Variants in SASH1 observed in about 807,000 individuals in gnomAD.
SASH1 encodes the protein SAM and SH3 domain-containing protein 1.
SASH1 carries 44 observed loss-of-function variants against 125.2 expected under a neutral mutation model. The observed-to-expected ratio is 0.35, with a 90% confidence interval of 0.28 to 0.45. SASH1 has a LOEUF of 0.45. Ranked by LOEUF, SASH1 falls within the 20% of genes least tolerant of loss-of-function variation. The probability of loss-of-function intolerance (pLI) is 1.00; values close to 1 mark genes in which losing one functional copy is unlikely to be tolerated. For missense variants in SASH1, 1,426 were observed against 1,614.5 expected (o/e 0.88, Z 2.00); for synonymous variants, 639 against 649.1 (o/e 0.98, Z 0.24).
At chr6:148,471,626 T>TC (rs1778123874) in intron 6 of SASH1, 123 bp downstream of exon 6, 1 of 640,088 alleles carries the variant, frequency 1.6e-6, no homozygotes, top group Non-Finnish European at 2.8e-6. Context: ...CATAAGATGT[T>TC]CAACTTTTCT....
the SASH1 span, among the ~76,000 whole-genome samples, chr6:148,232,000 G>A: frequency 1.1e-4 from 17 of 151,454 alleles, no homozygotes; most frequent in Non-Finnish European, 2.5e-4. Context: ...TAAGGAAAAA[G>A]GCTAGCAACT....
At chr6:148,289,121 C>G (rs1779558914) in intron 1 of SASH1, among the ~76,000 whole-genome samples, 1 of 152,166 alleles carries the variant, frequency 6.6e-6, no homozygotes, top group Non-Finnish European at 1.5e-5. Context: ...GCTGGAACCC[C>G]TTTTTCTTTT....
chr6:148,249,169 T>TTGTCTAACAA, the SASH1 span, among the ~76,000 whole-genome samples: 1 of 152,246 alleles, frequency 6.6e-6, no homozygotes, highest in Non-Finnish European at 1.5e-5. Flanking sequence ...TAAATTTACA[T>TTGTCTAACAA]TTTTTACTTA....
intron 7 of SASH1, among the ~76,000 whole-genome samples, chr6:148,476,630 A>G (rs1778363241): frequency 6.6e-6 from 1 of 152,202 alleles, no homozygotes; most frequent in African/African-American, 2.4e-5. Flanking sequence ...CAGTAAGCCA[A>G]GATCATGCCG....
At chr6:148,387,725 ATTCTTTCTTTTCTT>A in intron 1 of SASH1, among the ~76,000 whole-genome samples, 1 of 105,662 alleles carries the variant, frequency 9.5e-6, no homozygotes, top group East Asian at 2.7e-4. Flanking sequence ...TTTTCTTTCC[ATTCTTTCTTTTCTT>A]TTCTTTCTTT....
At chr6:148,417,450 T>G (rs1784870181) in intron 2 of SASH1, among the ~76,000 whole-genome samples, 1 of 152,144 alleles carries the variant, frequency 6.6e-6, no homozygotes, top group Non-Finnish European at 1.5e-5. Context: ...CTGGGTGTGG[T>G]GGCATGCACC....
chr6:148,360,100 T>A (rs1259819059), intron 1 of SASH1, among the ~76,000 whole-genome samples: 1 of 152,118 alleles, frequency 6.6e-6, no homozygotes, highest in Non-Finnish European at 1.5e-5. Context: ...AACCAGAAAT[T>A]TGGTTGTCAC....
intron 11 of SASH1, 128 bp downstream of exon 11, chr6:148,525,493 G>GAAAAAAAAAA: frequency 1.2e-5 from 9 of 769,006 alleles, no homozygotes; most frequent in Admixed American, 8.3e-5. Context: ...GTCACGTTTG[G>GAAAAAAAAAA]AAAAAAGCTC....
chr6:148,525,118 T>G, intron 10 of SASH1, 173 bp from the exon 11 acceptor site: 1 of 594,654 alleles, frequency 1.7e-6, no homozygotes, highest in South Asian at 2.0e-5. Context: ...GAGTGAAGTT[T>G]CCTTACGACA....
chr6:148,516,490 G>GCCCC (rs1780445168), intron 9 of SASH1, among the ~76,000 whole-genome samples: 17 of 114,266 alleles, frequency 1.5e-4, no homozygotes, highest in African/African-American at 2.1e-4. Flanking sequence ...GCCAGTAGGC[G>GCCCC]CCCCCTCCCC....
intron 2 of SASH1, among the ~76,000 whole-genome samples, chr6:148,415,562 A>C (rs910985589): frequency 6.6e-6 from 1 of 152,234 alleles, no homozygotes; most frequent in African/African-American, 2.4e-5. Context: ...AGGTTTGACT[A>C]AGTAACTTGG....
At chr6:148,441,669 A>G (rs1562412756) in intron 4 of SASH1, among the ~76,000 whole-genome samples, 2 of 152,126 alleles carry the variant, frequency 1.3e-5, no homozygotes, top group Admixed American at 6.5e-5. Context: ...TCAGGCTGAG[A>G]GCTCAGGTGT....
chr6:148,253,552 TC>T, the SASH1 span, among the ~76,000 whole-genome samples: 1 of 152,154 alleles, frequency 6.6e-6, no homozygotes, highest in Non-Finnish European at 1.5e-5. Flanking sequence ...TGATTTCACT[TC>T]ATCAAAACTA....
intron 1 of SASH1, among the ~76,000 whole-genome samples, chr6:148,354,431 T>A (rs1026753398): frequency 3.3e-5 from 5 of 152,204 alleles, no homozygotes; most frequent in Admixed American, 6.5e-5. Flanking sequence ...AGTGATGGAT[T>A]CATGAATGTA....
chr6:148,502,177 C>T (rs1779585226), intron 8 of SASH1, among the ~76,000 whole-genome samples: 1 of 152,186 alleles, frequency 6.6e-6, no homozygotes, highest in South Asian at 2.1e-4. Flanking sequence ...TTGAAACTGC[C>T]AGAGAGATTA....
At chr6:148,441,405 C>T (rs1411472171) in intron 4 of SASH1, among the ~76,000 whole-genome samples, 2 of 152,142 alleles carry the variant, frequency 1.3e-5, no homozygotes, top group Non-Finnish European at 2.9e-5. Flanking sequence ...GTCTGAGGAA[C>T]GTTGTGGGTG....
intron 8 of SASH1, among the ~76,000 whole-genome samples, chr6:148,496,930 C>T (rs1779339304): frequency 6.6e-6 from 1 of 151,490 alleles, no homozygotes; most frequent in Admixed American, 6.6e-5. Flanking sequence ...GTATACTGAT[C>T]TTAGTCTTTT....
In SASH1 at chr6:148,495,981, G is replaced by A. The variant is rs1024744736; in HGVS notation, c.729+8266G>A. The stretch of plus-strand genomic sequence containing the variant: ...CTCCAGAGTAGCTGGGATTACAGGC[G>A]CACGCCATCACGCCTGGCTAATTTT... On this transcript the variant is annotated intron_variant, in intron 8 of 19. Coordinates refer to ENST00000367467, the MANE Select transcript of SASH1 (RefSeq NM_015278.5). The surrounding 1 kb of genome is among the most constrained non-coding windows in gnomAD (Gnocchi z 4.0). Among the ~76,000 whole-genome samples, 7 of 150,624 alleles carry A rather than the reference G, an allele frequency of 4.6e-5. No individual in the cohort carries two copies. Among genetic ancestry groups the A allele is most frequent in the Middle Eastern group, 3.3e-3 (1 of 304 alleles).
chr6:148,362,016 C>T (rs558182727), intron 1 of SASH1, among the ~76,000 whole-genome samples: 21 of 145,888 alleles, frequency 1.4e-4, no homozygotes, highest in Admixed American at 1.0e-3. Flanking sequence ...CGGGTTCATG[C>T]CATTCTCCTG....
Sources: gnomAD v4.1 joint callset for allele counts (sites outside exome capture counted in the v4.1 genomes callset) on GRCh38, gnomAD v4.1.1 for gene constraint, Gnocchi (gnomAD v3.1) non-coding constraint, MANE v1.5 for transcripts, NCBI Gene and HGNC (gene_info 2026-07-23, HGNC 2026-07-21) for gene names.